The following INTS4 variants were observed in gnomAD, a reference collection of about 807,000 sequenced individuals.
INTS4 encodes MSTP093.
In INTS4, 70 loss-of-function variants were observed where a neutral mutation model predicts 119.5. That is an observed-to-expected ratio of 0.59 (90% CI 0.48 to 0.71). The LOEUF is 0.71. Among genes scored for constraint, INTS4 ranks in the 30% least tolerant of loss-of-function variants. The pLI, the probability that INTS4 is intolerant of heterozygous loss-of-function variation, is 0.00. For missense variants in INTS4, 867 were observed against 1,173.2 expected (o/e 0.74, Z 3.81); for synonymous variants, 316 against 419.6 (o/e 0.75, Z 3.02).
intron 18 of INTS4, among the ~76,000 whole-genome samples, chr11:77,895,070 CCTCT>C (rs1394531618): frequency 1.3e-5 from 2 of 152,098 alleles, no homozygotes; most frequent in Non-Finnish European, 2.9e-5. Flanking sequence ...GGTGTTCCTT[CCTCT>C]CTATCTTGAA....
chr11:77,951,728 C>T (rs1331286516), intron 8 of INTS4, among the ~76,000 whole-genome samples: 2 of 152,082 alleles, frequency 1.3e-5, no homozygotes, highest in East Asian at 3.9e-4. Flanking sequence ...GAACAGGCAA[C>T]CTACAGAATG....
At chr11:77,910,034 GCA>G (rs1201219111) in intron 15 of INTS4, among the ~76,000 whole-genome samples, 30 of 152,152 alleles carry the variant, frequency 2.0e-4, no homozygotes, top group African/African-American at 7.0e-4. Flanking sequence ...AGTCAGTGTG[GCA>G]ATTCCTCAGG....
At chr11:77,887,582 T>C (rs1404011933) in intron 21 of INTS4, among the ~76,000 whole-genome samples, 1 of 151,896 alleles carries the variant, frequency 6.6e-6, no homozygotes, top group Non-Finnish European at 1.5e-5. Flanking sequence ...GGCAATTAGG[T>C]AGGAGAAGGA....
chr11:77,922,562 G>A (rs1486924061), intron 12 of INTS4, 91 bp from the exon 13 acceptor site: 1 of 634,826 alleles, frequency 1.6e-6, no homozygotes, highest in African/African-American at 1.9e-5. Context: ...AACCTGAACT[G>A]GAATTGGAAA....
At chr11:77,940,241 G>C (rs1591083206) in intron 9 of INTS4, among the ~76,000 whole-genome samples, 3 of 152,130 alleles carry the variant, frequency 2.0e-5, no homozygotes, top group Admixed American at 6.6e-5. Flanking sequence ...CCAACATGAG[G>C]AACACAGCAA....
intron 8 of INTS4, among the ~76,000 whole-genome samples, chr11:77,945,538 T>C (rs960593274): frequency 6.6e-6 from 1 of 152,106 alleles, no homozygotes; most frequent in Non-Finnish European, 1.5e-5. Context: ...AGAGTGACGA[T>C]GATCTCAGCA....
chr11:77,967,732 A>G (rs1855560797), intron 4 of INTS4, among the ~76,000 whole-genome samples: 1 of 152,152 alleles, frequency 6.6e-6, no homozygotes, highest in African/African-American at 2.4e-5. Flanking sequence ...TGAAAATATC[A>G]GATAAAACCA....
intron 21 of INTS4, among the ~76,000 whole-genome samples, chr11:77,889,312 C>T (rs555044707): frequency 6.0e-5 from 9 of 150,890 alleles, no homozygotes; most frequent in Non-Finnish European, 1.0e-4. Context: ...AACCAAACAC[C>T]GCATGTTCTC....
chr11:77,947,029 G>T (rs1333999826), intron 8 of INTS4, among the ~76,000 whole-genome samples: 1 of 149,974 alleles, frequency 6.7e-6, no homozygotes, highest in Non-Finnish European at 1.5e-5. Flanking sequence ...ACAATTGAGA[G>T]CTTCAACAAT....
At chr11:77,972,381 G>C (rs1311708871) in intron 4 of INTS4, among the ~76,000 whole-genome samples, 1 of 151,726 alleles carries the variant, frequency 6.6e-6, no homozygotes, top group African/African-American at 2.4e-5. Context: ...TTACAGGCAT[G>C]AGCCACCACA....
At chr11:77,936,193 GAATATATAC>G (rs1405209555) in intron 10 of INTS4, among the ~76,000 whole-genome samples, 1 of 152,018 alleles carries the variant, frequency 6.6e-6, no homozygotes, top group Non-Finnish European at 1.5e-5. Context: ...ATACAGGATG[GAATATATAC>G]AGGATGGAAT....
intron 8 of INTS4, among the ~76,000 whole-genome samples, chr11:77,951,015 T>C (rs1218343782): frequency 6.6e-6 from 1 of 151,922 alleles, no homozygotes; most frequent in Non-Finnish European, 1.5e-5. Flanking sequence ...AGAATGATGG[T>C]TTCCAGCTTC....
intron 4 of INTS4, among the ~76,000 whole-genome samples, chr11:77,968,471 G>T (rs928311623): frequency 2.6e-5 from 4 of 152,166 alleles, no homozygotes; most frequent in Non-Finnish European, 5.9e-5. Flanking sequence ...ATATAGAATG[G>T]TGGTTGTTAG....
intron 12 of INTS4, among the ~76,000 whole-genome samples, chr11:77,922,967 A>G (rs1279839726): frequency 1.3e-5 from 2 of 152,170 alleles, no homozygotes; most frequent in African/African-American, 4.8e-5. Flanking sequence ...CATGAAAGGG[A>G]ATGACCCTTC....
intron 4 of INTS4, among the ~76,000 whole-genome samples, chr11:77,964,351 A>G (rs1855390524): frequency 6.6e-6 from 1 of 151,982 alleles, no homozygotes; most frequent in African/African-American, 2.4e-5. Context: ...GTGGATCATG[A>G]GGTCAGGAGA....
intron 18 of INTS4, among the ~76,000 whole-genome samples, chr11:77,898,125 A>G (rs1196904984): frequency 3.3e-5 from 5 of 151,482 alleles, no homozygotes; most frequent in Non-Finnish European, 5.9e-5. Context: ...CCAAATTGTT[A>G]TTATTATTTT....
intron 11 of INTS4, among the ~76,000 whole-genome samples, chr11:77,927,247 G>A (rs1456216911): frequency 3.9e-5 from 6 of 152,070 alleles, no homozygotes; most frequent in African/African-American, 7.2e-5. Flanking sequence ...ATGAAGAACC[G>A]CACATAGAAT....
intron 21 of INTS4, among the ~76,000 whole-genome samples, chr11:77,884,454 C>T (rs1951914079): frequency 6.6e-6 from 1 of 152,212 alleles, no homozygotes; most frequent in African/African-American, 2.4e-5. Flanking sequence ...TTCTTTAAGG[C>T]TCATAAACTG....
At chr11:77,907,626 A>T in intron 16 of INTS4, 91 bp downstream of exon 16, 1 of 862,554 alleles carries the variant, frequency 1.2e-6, no homozygotes, top group South Asian at 1.5e-5. Context: ...TTAAGACCAT[A>T]AGTTTTATAA....
Sources: gnomAD v4.1 joint callset for allele counts (sites outside exome capture counted in the v4.1 genomes callset) on GRCh38, gnomAD v4.1.1 for gene constraint, MANE v1.5 for transcripts, NCBI Gene and HGNC (gene_info 2026-07-23, HGNC 2026-07-21) for gene names.